COL25A1: variants seen among roughly 807,000 people sequenced by gnomAD.
COL25A1 encodes collagen type XXV alpha 1 chain, also known as collagen alpha-1(XXV) chain.
Under a neutral mutation model 128.4 loss-of-function variants are expected in COL25A1, and 103 were observed. The ratio of observed to expected loss-of-function variants is 0.80; its 90% confidence interval spans 0.68 to 0.94. The LOEUF (loss-of-function observed/expected upper bound fraction) is 0.94. COL25A1 is among the 40% of genes least tolerant of loss of function. COL25A1 has a pLI of 0.00. For synonymous variants in COL25A1, 279 were observed against 277.2 expected, an observed-to-expected ratio of 1.01 and a Z score of -0.06; for missense variants, 745 against 840.0, an observed-to-expected ratio of 0.89 and a Z score of 1.40.
intron 3 of COL25A1, among the ~76,000 whole-genome samples, chr4:109,166,480 T>C (rs1560799676): frequency 6.6e-6 from 1 of 152,218 alleles, no homozygotes; most frequent in Non-Finnish European, 1.5e-5. Flanking sequence ...ATCTGGTGCA[T>C]AGAATTCTAA....
chr4:108,910,263 T>A (rs1357962215), intron 13 of COL25A1, among the ~76,000 whole-genome samples: 1 of 152,148 alleles, frequency 6.6e-6, no homozygotes, highest in Non-Finnish European at 1.5e-5. Context: ...TTAATAGAAA[T>A]TTTAAATGTT....
intron 3 of COL25A1, among the ~76,000 whole-genome samples, chr4:109,058,832 C>T (rs982960044): frequency 2.6e-5 from 4 of 152,052 alleles, no homozygotes; most frequent in Non-Finnish European, 4.4e-5. Flanking sequence ...AAATTTCCAC[C>T]CAGTAGTAAA....
At chr4:109,069,303 C>T (rs1762724349) in intron 3 of COL25A1, among the ~76,000 whole-genome samples, 1 of 151,832 alleles carries the variant, frequency 6.6e-6, no homozygotes, top group Non-Finnish European at 1.5e-5. Flanking sequence ...CCTCGACCTC[C>T]CTGGCTCAAT....
intron 3 of COL25A1, among the ~76,000 whole-genome samples, chr4:109,273,180 A>G (rs1782319747): frequency 6.6e-6 from 1 of 152,184 alleles, no homozygotes; most frequent in Non-Finnish European, 1.5e-5. Context: ...CCATAGGCTC[A>G]CTAAGATACT....
At chr4:109,089,044 G>A (rs1440183855) in intron 3 of COL25A1, among the ~76,000 whole-genome samples, 17 of 152,166 alleles carry the variant, frequency 1.1e-4, no homozygotes. Flanking sequence ...TGAAAAAGGG[G>A]CTTCACCTGC....
At chr4:109,028,851 A>C (rs1472436925) in intron 5 of COL25A1, among the ~76,000 whole-genome samples, 1 of 152,232 alleles carries the variant, frequency 6.6e-6, no homozygotes, top group African/African-American at 2.4e-5. Flanking sequence ...AAACAGAGAA[A>C]GTGTTTCAAG....
chr4:109,093,467 A>ACAAACAAAC lies in COL25A1; in HGVS notation c.368-43289_368-43288insGTTTGTTTG, dbSNP rs771818261. On this transcript the variant is annotated intron_variant, in intron 3 of 37. Coordinates refer to ENST00000399132, the MANE Select transcript of COL25A1 (RefSeq NM_198721.4). Reference sequence around the variant, plus strand: ...AGACTCCATCTCTATGAAAAAAAAAAAAAAAAAAACCTTTTTTAAATTAGT... The same window carrying ACAAACAAAC: ...AGACTCCATCTCTATGAAAAAAAAAACAAACAAACAAAAAAAAACCTTTTTTAAATTAGT... Among the ~76,000 whole-genome samples the ACAAACAAAC allele has an allele frequency of 9.0e-4, 137 of 151,388 alleles. 2 individuals carry two copies. The highest frequency in any genetic ancestry group is 6.8e-3 in the Middle Eastern group (2 of 294).
chr4:109,174,867 G>A (rs1234659132), intron 3 of COL25A1, among the ~76,000 whole-genome samples: 4 of 152,168 alleles, frequency 2.6e-5, no homozygotes, highest in Non-Finnish European at 2.9e-5. Context: ...ACTGGGCCTC[G>A]CAGCAGGAAG....
intron 24 of COL25A1, among the ~76,000 whole-genome samples, chr4:108,853,135 A>AAAAATTATTTTTAGAATCCTATTTT (rs1560750674): frequency 1.3e-5 from 2 of 152,158 alleles, no homozygotes; most frequent in East Asian, 3.8e-4. Context: ...AATCCTATTT[A>AAAAATTATTTTTAGAATCCTATTTT]AAAAATCTAT....
chr4:108,883,777 A>G (rs1740421628), intron 19 of COL25A1, among the ~76,000 whole-genome samples: 1 of 152,226 alleles, frequency 6.6e-6, no homozygotes, highest in Non-Finnish European at 1.5e-5. Flanking sequence ...TAATGAGTGA[A>G]TCACAAAAAC....
intron 5 of COL25A1, among the ~76,000 whole-genome samples, chr4:109,035,905 TTTTA>T (rs1357255674): frequency 3.0e-5 from 4 of 135,332 alleles, no homozygotes; most frequent in African/African-American, 1.1e-4. Context: ...AAGATTTTTA[TTTTA>T]TTTTATTTTT....
intron 3 of COL25A1, among the ~76,000 whole-genome samples, chr4:109,081,109 A>T (rs537291486): frequency 1.1e-4 from 16 of 152,316 alleles, no homozygotes; most frequent in Non-Finnish European, 1.9e-4. Flanking sequence ...AGATACCATC[A>T]TAATTTACTG....
chr4:108,838,006 C>T, intron 31 of COL25A1: 1 of 878,310 alleles, frequency 1.1e-6, no homozygotes, highest in Non-Finnish European at 1.9e-6. Context: ...GAAACCTCAA[C>T]AGTACGAGCT....
intron 6 of COL25A1, among the ~76,000 whole-genome samples, chr4:108,989,723 A>G (rs1753987520): frequency 6.6e-6 from 1 of 152,106 alleles, no homozygotes; most frequent in African/African-American, 2.4e-5. Context: ...AGCATGCCCT[A>G]CCCAAAAGAG....
At chr4:109,099,091 C>T (rs539358403) in intron 3 of COL25A1, among the ~76,000 whole-genome samples, 1 of 152,306 alleles carries the variant, frequency 6.6e-6, no homozygotes, top group Admixed American at 6.5e-5. Context: ...TTATTTTACA[C>T]TATTTTCTAA....
rs115187560 is a variant in COL25A1 at position 109,113,544 on chromosome 4, T to C, written c.368-63365A>G. Among the ~76,000 whole-genome samples, 1,396 of 152,248 alleles carry C rather than the reference T, an allele frequency of 9.2e-3. 24 individuals are homozygous for C. The highest frequency in any genetic ancestry group is 0.032 in the African/African-American group (1,316 of 41,564). On this transcript the variant is annotated intron_variant, in intron 3 of 37. Transcript: ENST00000399132. Reference sequence around the variant, plus strand: ...TCAATATAGTTTTTCAAAATGTTAATTCTGTTGTTAATGTTAAAATGTTAA... The same window carrying C: ...TCAATATAGTTTTTCAAAATGTTAACTCTGTTGTTAATGTTAAAATGTTAA...
intron 24 of COL25A1, among the ~76,000 whole-genome samples, chr4:108,858,932 T>G (rs1736840062): frequency 6.6e-6 from 1 of 152,066 alleles, no homozygotes; most frequent in African/African-American, 2.4e-5. Context: ...GGACTTGACA[T>G]AGAAGTTATT....
intron 5 of COL25A1, among the ~76,000 whole-genome samples, chr4:109,019,363 CACACACACACACATATATAT>C (rs142595550): frequency 3.8e-5 from 1 of 26,550 alleles, no homozygotes; most frequent in East Asian, 1.5e-3. Flanking sequence ...CACACACACA[CACACACACACACATATATAT>C]ATATATATAT....
At chr4:109,207,435 C>T (rs1050276725) in intron 3 of COL25A1, among the ~76,000 whole-genome samples, 1 of 148,800 alleles carries the variant, frequency 6.7e-6, no homozygotes, top group Non-Finnish European at 1.5e-5. Flanking sequence ...AGGTCTTCAA[C>T]ACAGTTCTAC....
Sources: gnomAD v4.1 joint callset for allele counts (sites outside exome capture counted in the v4.1 genomes callset) on GRCh38, gnomAD v4.1.1 for gene constraint, MANE v1.5 for transcripts, NCBI Gene and HGNC (gene_info 2026-07-23, HGNC 2026-07-21) for gene names.